The following OMA1 variants were observed in gnomAD, a reference collection of about 807,000 sequenced individuals.
The protein encoded by OMA1 is metalloendopeptidase OMA1, mitochondrial.
A neutral mutation model predicts 30.9 loss-of-function variants in OMA1; 38 were observed. The ratio of observed to expected loss-of-function variants is 1.23; its 90% CI spans 0.95 to 1.61. OMA1 has a LOEUF of 1.61. Among genes scored for constraint, OMA1 ranks in the 40% most tolerant of loss-of-function variants. The probability of loss-of-function intolerance (pLI) is 0.00; values close to 1 mark genes in which losing one functional copy is unlikely to be tolerated. For synonymous variants in OMA1, 173 were observed against 121.9 expected, an observed-to-expected ratio of 1.42 and a Z score of -2.76; for missense variants, 461 against 349.2, an observed-to-expected ratio of 1.32 and a Z score of -2.55.
In OMA1 at chr1:58,495,108, T is replaced by C. The variant is rs564404550; in HGVS notation, c.1365+10952A>G. Among the ~76,000 whole-genome samples the C allele has an allele frequency of 8.8e-3, 1,346 of 152,310 alleles. 3 individuals are homozygous for C. Among genetic ancestry groups the C allele is most frequent in the South Asian group, 0.023 (111 of 4,830 alleles). The stretch of plus-strand genomic sequence containing the variant: ...GCAGCCATAAAAAAGGATGAGTTCA[T>C]GTCCTTTGTAGGGACATGGATAAAG... On this transcript the variant is annotated intron_variant, in intron 8 of 8. Transcript: ENST00000371226.
intron 7 of OMA1, among the ~76,000 whole-genome samples, chr1:58,525,444 A>C (rs1246338058): frequency 6.6e-6 from 1 of 152,190 alleles, no homozygotes; most frequent in Non-Finnish European, 1.5e-5. Flanking sequence ...ATTTTTATAT[A>C]CAAGCAATTT....
intron 8 of OMA1, among the ~76,000 whole-genome samples, chr1:58,502,226 G>T (rs968952380): frequency 6.6e-6 from 1 of 152,168 alleles, no homozygotes; most frequent in African/African-American, 2.4e-5. Context: ...ATCAAAATTT[G>T]TGTTCTAATC....
chr1:58,507,518 A>C (rs1646007698), intron 7 of OMA1, among the ~76,000 whole-genome samples: 1 of 152,028 alleles, frequency 6.6e-6, no homozygotes, highest in South Asian at 2.1e-4. Context: ...AAGACCTCTG[A>C]GTATTCTAAG....
chr1:58,536,959 G>A (rs1441048968), intron 2 of OMA1, among the ~76,000 whole-genome samples: 3 of 151,920 alleles, frequency 2.0e-5, no homozygotes, highest in South Asian at 2.1e-4. Context: ...AATACTCATC[G>A]AAATTTTCTT....
At position 58,481,150 on chromosome 1, in the gene OMA1, T is replaced by A. The variant is rs771868857; in HGVS notation, c.1390A>T (p.Asn464Tyr). Residue 464 changes from asparagine to tyrosine, a missense_variant, in exon 9 of 9, where the codon AAT becomes TAT. Physicochemically the swap from Asn to Tyr is moderately radical, Grantham distance 143 (BLOSUM62 -2). Transcript: ENST00000371226. ...PQALKIREMC[N>Y]CPPLSNPDPR... ...TCTGGATTAGACAGTGGTGGACAAT[T>A]ACACATCTCTCTAATTTTGAGAGCC... 2.3e-6 allele frequency: 2 copies of A among 852,928 alleles called. No individual in the cohort carries two copies. Among genetic ancestry groups the A allele is most frequent in the Admixed American group, 3.5e-5 (2 of 57,374 alleles). 52.8% of individuals were successfully genotyped at this position (852,928 alleles called of 1,614,324 possible).
rs1000161572 is a variant in OMA1 at position 58,481,132 on chromosome 1, T to G, written c.1408A>C (p.Asn470His). 3 of 870,384 alleles carry G rather than the reference T, an allele frequency of 3.4e-6. No homozygotes were observed. In the African/African-American group the frequency reaches 4.9e-5, roughly 14 times the overall value. 53.9% of individuals were successfully genotyped at this position (870,384 alleles called of 1,614,324 possible). ...REMCNCPPLS[N>H]PDPRLLFKLS... ...TTGAATAGTAATCGAGGGTCTGGAT[T>G]AGACAGTGGTGGACAATTACACATC... The change falls in exon 9 of 9, where the codon AAT (asparagine) becomes CAT (histidine). Residue 470 changes from asparagine to histidine, a missense_variant. By Grantham distance (68) the Asn-to-His change is moderately conservative (BLOSUM62 1). Coordinates refer to ENST00000371226, the MANE Select transcript of OMA1 (RefSeq NM_145243.5).
chr1:58,491,881 C>A (rs1464016378), intron 8 of OMA1, among the ~76,000 whole-genome samples: 2 of 152,094 alleles, frequency 1.3e-5, no homozygotes, highest in Non-Finnish European at 2.9e-5. Context: ...ACAAGGATAT[C>A]CAGGAATTGA....
intron 8 of OMA1, among the ~76,000 whole-genome samples, chr1:58,491,944 C>T (rs1393940090): frequency 6.6e-6 from 1 of 152,142 alleles, no homozygotes; most frequent in Non-Finnish European, 1.5e-5. Flanking sequence ...CTCTCCACCC[C>T]AAATCAACAG....
At chr1:58,508,839 G>T (rs927862577) in intron 7 of OMA1, among the ~76,000 whole-genome samples, 1 of 152,104 alleles carries the variant, frequency 6.6e-6, no homozygotes, top group Admixed American at 6.6e-5. Flanking sequence ...TTCTCCTGGG[G>T]CAGGGCTCGG....
At chr1:58,500,461 G>T (rs1645888755) in intron 8 of OMA1, among the ~76,000 whole-genome samples, 2 of 152,128 alleles carry the variant, frequency 1.3e-5, no homozygotes, top group African/African-American at 4.8e-5. Context: ...TTATAAACGT[G>T]TAAGAATGAT....
chr1:58,496,381 T>C (rs1645802660), intron 8 of OMA1, among the ~76,000 whole-genome samples: 1 of 152,342 alleles, frequency 6.6e-6, no homozygotes, highest in African/African-American at 2.4e-5. Flanking sequence ...TCTGTCACTT[T>C]CAGTGCAGTT....
intron 8 of OMA1, among the ~76,000 whole-genome samples, chr1:58,483,270 G>C (rs539431722): frequency 1.3e-5 from 2 of 152,240 alleles, no homozygotes; most frequent in African/African-American, 2.4e-5. Context: ...AACATATCTG[G>C]GCAAGGAATT....
intron 7 of OMA1, among the ~76,000 whole-genome samples, chr1:58,520,243 T>A (rs1439285225): frequency 2.0e-5 from 3 of 151,866 alleles, no homozygotes; most frequent in East Asian, 3.9e-4. Flanking sequence ...CCCTGGAACC[T>A]AAACGTTGAA....
chr1:58,492,286 G>C (rs1161840015), intron 8 of OMA1, among the ~76,000 whole-genome samples: 1 of 152,028 alleles, frequency 6.6e-6, no homozygotes, highest in Admixed American at 6.5e-5. Flanking sequence ...GAAATTTATA[G>C]CACTAAATGC....
chr1:58,531,481 T>A (rs1434486426), intron 5 of OMA1, among the ~76,000 whole-genome samples: 1 of 152,230 alleles, frequency 6.6e-6, no homozygotes, highest in Non-Finnish European at 1.5e-5. Context: ...ACTAGATTGT[T>A]CATGGTTTGC....
At chr1:58,493,020 A>C (rs1226777958) in intron 8 of OMA1, among the ~76,000 whole-genome samples, 1 of 152,242 alleles carries the variant, frequency 6.6e-6, no homozygotes, top group Non-Finnish European at 1.5e-5. Context: ...ATCCTCAATA[A>C]AATACTGGCA....
In OMA1 at chr1:58,514,465, G is replaced by A. The variant is rs145479666; in HGVS notation, c.1216-8256C>T. ...ATGAAAAGTATCTCTGAATTTTGCT[G>A]TCTGTATTCACTAGACACTCCAACA... On this transcript the variant is annotated intron_variant, in intron 7 of 8. Coordinates refer to ENST00000371226, the MANE Select transcript of OMA1 (RefSeq NM_145243.5). 1.3e-4 allele frequency among the ~76,000 whole-genome samples: 20 copies of A among 152,256 alleles called. No homozygotes were observed. In the East Asian group the frequency reaches 3.1e-3, roughly 24 times the overall value.
chr1:58,490,854 G>A (rs1645672283), intron 8 of OMA1, among the ~76,000 whole-genome samples: 1 of 130,452 alleles, frequency 7.7e-6, no homozygotes, highest in South Asian at 2.6e-4. Flanking sequence ...CGCCCAGGCT[G>A]GAGTGCAGTG....
At chr1:58,521,917 A>G (rs548186860) in intron 7 of OMA1, among the ~76,000 whole-genome samples, 76 of 152,340 alleles carry the variant, frequency 5.0e-4, no homozygotes, top group Non-Finnish European at 1.0e-3. Context: ...TTATGAGGCC[A>G]GCATAACTTT....
Sources: allele counts gnomAD v4.1 joint callset (sites outside exome capture counted in the v4.1 genomes callset), GRCh38; gene constraint gnomAD v4.1.1; transcripts MANE v1.5; gene names NCBI Gene and HGNC (gene_info 2026-07-23, HGNC 2026-07-21).